Variants in NECAP1 observed in about 807,000 individuals in gnomAD.
The protein encoded by NECAP1 is adaptin ear-binding coat-associated protein 1.
In NECAP1, 13 loss-of-function variants were observed where a neutral mutation model predicts 33.4. The observed-to-expected ratio is 0.39, with a 90% CI of 0.25 to 0.62. The LOEUF (loss-of-function observed/expected upper bound fraction) is 0.62. Among genes scored for constraint, NECAP1 ranks in the 20% least tolerant of loss-of-function variants. NECAP1 has a pLI of 0.52. For synonymous variants in NECAP1, 109 were observed against 125.2 expected (o/e 0.87, Z 0.86); for missense variants, 272 against 347.4 (o/e 0.78, Z 1.73).
At chr12:8,092,104 C>T (rs745676896) in intron 4 of NECAP1, 7 of 460,042 alleles carry the variant, frequency 1.5e-5, no homozygotes, top group African/African-American at 4.0e-5. Flanking sequence ...GAATTTGCCC[C>T]GTCTTTTAGG....
At position 8,082,309 on chromosome 12, in the gene NECAP1, C is replaced by G. The variant is rs752149350; in HGVS notation, c.21C>G (p.Tyr7Ter). Residue 7 changes from tyrosine to a stop codon, truncating the protein, a stop_gained, in exon 1 of 8, where the codon TAC becomes TAG. Coordinates refer to ENST00000339754, the MANE Select transcript of NECAP1 (RefSeq NM_015509.4). LOFTEE classifies it high-confidence loss of function. MATELE[Y>*]ESVLCVKPDV... is the part of the protein sequence containing the mutation. ...CCAAGATGGCGACCGAGTTGGAGTA[C>G]GAGTCTGTGCTGTGTGTGAAGCCAG... 6.2e-7 allele frequency: 1 copy of G among 1,603,682 alleles called. No individual in the cohort carries two copies. Among genetic ancestry groups the G allele is most frequent in the Non-Finnish European group, 8.5e-7 (1 of 1,171,334 alleles).
chr12:8,087,687 G>C (rs1380792288), intron 1 of NECAP1, among the ~76,000 whole-genome samples: 3 of 151,860 alleles, frequency 2.0e-5, no homozygotes, highest in Admixed American at 2.0e-4. Flanking sequence ...GTGCCTGGCT[G>C]TTCCTAATAT....
intron 1 of NECAP1, among the ~76,000 whole-genome samples, chr12:8,085,270 G>A (rs936919868): frequency 2.6e-5 from 4 of 152,108 alleles, no homozygotes; most frequent in Non-Finnish European, 5.9e-5. Context: ...CGCCTGCCTT[G>A]GCCTCCCAAA....
chr12:8,090,835 G>A (rs931899365), intron 3 of NECAP1: 7 of 155,092 alleles, frequency 4.5e-5, no homozygotes, highest in South Asian at 1.9e-4. Context: ...CTTTTTGCCC[G>A]TTTATTGTTC....
chr12:8,095,234 G>GTTTTTT (rs1947583653), intron 6 of NECAP1: 1 of 159,110 alleles, frequency 6.3e-6, no homozygotes, highest in African/African-American at 2.8e-5. Context: ...TCATCTCCAA[G>GTTTTTT]ATTTTTTTTT....
intron 1 of NECAP1, among the ~76,000 whole-genome samples, chr12:8,087,264 TTA>T (rs60677195): frequency 6.7e-6 from 1 of 150,222 alleles, no homozygotes; most frequent in Admixed American, 6.7e-5. Flanking sequence ...GGTTTTTTAT[TTA>T]TATATATATA....
intron 1 of NECAP1, among the ~76,000 whole-genome samples, chr12:8,086,363 A>C (rs1947489889): frequency 6.6e-6 from 1 of 152,170 alleles, no homozygotes; most frequent in Non-Finnish European, 1.5e-5. Context: ...CTGTAATCCC[A>C]GGACTTTGGG....
chr12:8,091,708 G>T (rs183684804), intron 3 of NECAP1, 61 bp from the exon 4 acceptor site: 3 of 1,475,432 alleles, frequency 2.0e-6, no homozygotes, highest in African/African-American at 2.8e-5. Flanking sequence ...CTGGTGCCGG[G>T]GGTTGGGGGC....
chr12:8,083,729 G>GTTT (rs71042329), intron 1 of NECAP1, among the ~76,000 whole-genome samples: 106 of 91,160 alleles, frequency 1.2e-3, no homozygotes, highest in Non-Finnish European at 1.4e-3. Context: ...CCCAGCCGTC[G>GTTT]TTTTTTTTTT....
At chr12:8,088,262 C>G (rs1392441393) in intron 1 of NECAP1, among the ~76,000 whole-genome samples, 1 of 152,150 alleles carries the variant, frequency 6.6e-6, no homozygotes, top group Non-Finnish European at 1.5e-5. Context: ...ATCTACTAGA[C>G]ATCTCAAACT....
At position 8,085,306 on chromosome 12, in the gene NECAP1, C is replaced by T. The variant is rs191052559; in HGVS notation, c.95+2923C>T. ...GTGCTGGGATTACAGGCGTGAGCCA[C>T]CGCACCCGGCCTACTTCAAGCTTTT... On this transcript the variant is annotated intron_variant, in intron 1 of 7. Transcript: ENST00000339754. Among the ~76,000 whole-genome samples the T allele has an allele frequency of 3.6e-3, 497 of 136,472 alleles. 4 individuals carry two copies. The highest frequency in any genetic ancestry group is 0.018 in the Admixed American group (249 of 13,732). 89.5% of individuals were successfully genotyped at this position (136,472 alleles called of 152,430 possible). A position where few individuals can be genotyped will look rare whatever the true frequency, so the allele number is the denominator to read the frequency against.
intron 6 of NECAP1, among the ~76,000 whole-genome samples, chr12:8,095,086 T>C (rs903128060): frequency 2.6e-5 from 4 of 152,232 alleles, no homozygotes; most frequent in African/African-American, 9.6e-5. Flanking sequence ...TATTGCTGAA[T>C]AGTATTCCAT....
Position 8,086,008 on chromosome 12 carries a change from T to C in NECAP1, c.95+3625T>C, listed in dbSNP as rs1947487580. Among the ~76,000 whole-genome samples the C allele has an allele frequency of 5.3e-5, 8 of 152,128 alleles. No homozygotes were observed. In the South Asian group the frequency reaches 1.7e-3, roughly 31 times the overall value. On this transcript the variant is annotated intron_variant, in intron 1 of 7. Coordinates refer to ENST00000339754, the MANE Select transcript of NECAP1 (RefSeq NM_015509.4). ...GCATGAGCCACTGCGCCTGGCCCTT[T>C]CACTTAATTTTCACGAGAATGGGCA...
At chr12:8,095,520 T>C in intron 6 of NECAP1, 81 bp from the exon 7 acceptor site, 1 of 1,076,704 alleles carries the variant, frequency 9.3e-7, no homozygotes, top group Non-Finnish European at 1.4e-6. Flanking sequence ...AGTGCTGGGA[T>C]TACAGGCGTG....
intron 1 of NECAP1, among the ~76,000 whole-genome samples, chr12:8,085,024 GTT>G (rs540358292): frequency 1.4e-5 from 2 of 146,970 alleles, no homozygotes; most frequent in African/African-American, 2.5e-5. Context: ...TTTTCTTGAA[GTT>G]TTTTTTTTTT....
At chr12:8,082,988 C>A (rs758300934) in intron 1 of NECAP1, 1 of 152,560 alleles carries the variant, frequency 6.6e-6, no homozygotes, top group Non-Finnish European at 1.5e-5. Context: ...ATAAGCTTTA[C>A]AACGGTTGTT....
chr12:8,094,206 G>A (rs1441043849), intron 6 of NECAP1, among the ~76,000 whole-genome samples: 1 of 152,122 alleles, frequency 6.6e-6, no homozygotes, highest in Non-Finnish European at 1.5e-5. Context: ...ACTGGGGATA[G>A]TATCTAAGAT....
intron 6 of NECAP1, among the ~76,000 whole-genome samples, chr12:8,094,187 C>T (rs1947574475): frequency 6.6e-6 from 1 of 151,966 alleles, no homozygotes. Flanking sequence ...GTAAGTGTTG[C>T]CAGAAGCCAC....
At chr12:8,091,650 G>A in intron 3 of NECAP1, 119 bp from the exon 4 acceptor site, 1 of 801,776 alleles carries the variant, frequency 1.2e-6, no homozygotes, top group Middle Eastern at 3.5e-4. Flanking sequence ...GCTCTCTCGT[G>A]TGCAACTCAC....
Sources: gnomAD v4.1 joint callset for allele counts (sites outside exome capture counted in the v4.1 genomes callset) on GRCh38, gnomAD v4.1.1 for gene constraint, MANE v1.5 for transcripts, NCBI Gene and HGNC (gene_info 2026-07-23, HGNC 2026-07-21) for gene names.